Variants in GRIP1 observed in about 807,000 individuals in gnomAD.
GRIP1 encodes glutamate receptor interacting protein 1, also known as glutamate receptor-interacting protein 1.
A neutral mutation model predicts 129.9 loss-of-function variants in GRIP1; 45 were observed. That is an observed-to-expected ratio of 0.35 (90% confidence interval 0.27 to 0.44). GRIP1 has a LOEUF of 0.44. GRIP1 is among the 20% of genes least tolerant of loss of function. GRIP1 has a pLI of 1.00. For synonymous variants in GRIP1, 530 were observed against 520.8 expected (o/e 1.02, Z -0.24); for missense variants, 1,196 against 1,396.8 (o/e 0.86, Z 2.29).
intron 1 of GRIP1, among the ~76,000 whole-genome samples, chr12:66,999,806 G>C (rs1231242040): frequency 2.0e-5 from 3 of 152,114 alleles, no homozygotes; most frequent in Non-Finnish European, 4.4e-5. Flanking sequence ...TATACTTTTT[G>C]TTAATCCTTG....
chr12:66,637,772 C>G (rs2031542867), intron 1 of GRIP1, among the ~76,000 whole-genome samples: 1 of 152,022 alleles, frequency 6.6e-6, no homozygotes, highest in African/African-American at 2.4e-5. Context: ...GCATATCTGT[C>G]TATCATATGA....
At chr12:66,967,942 A>C (rs1291438359) in intron 1 of GRIP1, among the ~76,000 whole-genome samples, 1 of 152,166 alleles carries the variant, frequency 6.6e-6, no homozygotes, top group East Asian at 1.9e-4. Context: ...TATACATGTC[A>C]ATTAGATCAA....
chr12:66,497,683 T>C (rs1474557867), intron 7 of GRIP1, among the ~76,000 whole-genome samples: 1 of 152,002 alleles, frequency 6.6e-6, no homozygotes, highest in Non-Finnish European at 1.5e-5. Context: ...GGGAGAGAGA[T>C]GGCAGCATCT....
At chr12:66,788,694 CT>C (rs1436102254) in intron 1 of GRIP1, among the ~76,000 whole-genome samples, 1 of 152,094 alleles carries the variant, frequency 6.6e-6, no homozygotes, top group Non-Finnish European at 1.5e-5. Context: ...CCTCACAAAA[CT>C]GGTATCTCCA....
At chr12:66,730,402 C>T (rs954679268) in intron 1 of GRIP1, among the ~76,000 whole-genome samples, 1 of 152,048 alleles carries the variant, frequency 6.6e-6, no homozygotes, top group Non-Finnish European at 1.5e-5. Flanking sequence ...ATGTAGCTTA[C>T]TTAAAAATTC....
chr12:66,767,150 T>C (rs1040980384), intron 1 of GRIP1, among the ~76,000 whole-genome samples: 10 of 152,206 alleles, frequency 6.6e-5, no homozygotes, highest in African/African-American at 2.4e-4. Flanking sequence ...AGAAAGCCAT[T>C]GGATAGCTTT....
chr12:66,584,837 C>T (rs566015511), intron 2 of GRIP1, among the ~76,000 whole-genome samples: 1 of 152,010 alleles, frequency 6.6e-6, no homozygotes, highest in South Asian at 2.1e-4. Flanking sequence ...TCTCTCTGCG[C>T]CTTGAACATC....
chr12:66,533,840 T>TACACACAC (rs10545416), intron 4 of GRIP1, among the ~76,000 whole-genome samples: 2 of 144,776 alleles, frequency 1.4e-5, no homozygotes, highest in East Asian at 2.0e-4. Context: ...TCTATCAGAT[T>TACACACAC]ACACACACAC....
At chr12:66,626,127 C>T (rs1206025825) in intron 1 of GRIP1, among the ~76,000 whole-genome samples, 1 of 152,094 alleles carries the variant, frequency 6.6e-6, no homozygotes, top group Non-Finnish European at 1.5e-5. Context: ...GAGTTGGGGA[C>T]CAGTCTGGGC....
At chr12:66,914,048 A>G (rs569554886) in intron 1 of GRIP1, among the ~76,000 whole-genome samples, 2 of 152,314 alleles carry the variant, frequency 1.3e-5, no homozygotes, top group East Asian at 1.9e-4. Context: ...GAATTACGCT[A>G]TCCCTGTTTA....
intron 2 of GRIP1, among the ~76,000 whole-genome samples, chr12:66,562,991 C>T (rs1006611042): frequency 5.4e-5 from 8 of 149,504 alleles, no homozygotes; most frequent in African/African-American, 1.5e-4. Context: ...GTCTTCTTCA[C>T]GTTAGGTAGG....
At chr12:66,817,004 C>T (rs547119485) in intron 1 of GRIP1, among the ~76,000 whole-genome samples, 2 of 152,092 alleles carry the variant, frequency 1.3e-5, no homozygotes, top group South Asian at 4.2e-4. Context: ...AAGACGATTC[C>T]TCATGAACAT....
intron 2 of GRIP1, among the ~76,000 whole-genome samples, chr12:66,579,214 G>C (rs1220526801): frequency 6.6e-6 from 1 of 152,136 alleles, no homozygotes; most frequent in Admixed American, 6.5e-5. Context: ...CTGTTAGAAG[G>C]AAAACTAACA....
At chr12:66,371,403 C>T (rs1003827777) in intron 23 of GRIP1, among the ~76,000 whole-genome samples, 11 of 152,208 alleles carry the variant, frequency 7.2e-5, no homozygotes, top group Non-Finnish European at 1.2e-4. Context: ...AAGTGATCCA[C>T]CCGCCTCGGC....
chr12:66,745,282 A>G (rs2036909968), intron 1 of GRIP1, among the ~76,000 whole-genome samples: 1 of 152,234 alleles, frequency 6.6e-6, no homozygotes, highest in African/African-American at 2.4e-5. Flanking sequence ...CATATAGAGA[A>G]CAGAAAGACT....
At chr12:66,823,512 A>T (rs537195120) in intron 1 of GRIP1, among the ~76,000 whole-genome samples, 1 of 152,282 alleles carries the variant, frequency 6.6e-6, no homozygotes, top group East Asian at 1.9e-4. Context: ...AAAACAATTA[A>T]GATTCATCTT....
At chr12:66,638,260 A>T (rs2136070176) in intron 1 of GRIP1, among the ~76,000 whole-genome samples, 1 of 152,302 alleles carries the variant, frequency 6.6e-6, no homozygotes, top group Non-Finnish European at 1.5e-5. Flanking sequence ...TATTCCACAA[A>T]TTATTTTGAG....
intron 1 of GRIP1, among the ~76,000 whole-genome samples, chr12:66,843,534 G>T (rs1048005939): frequency 6.6e-6 from 1 of 152,042 alleles, no homozygotes; most frequent in Non-Finnish European, 1.5e-5. Context: ...CAAATCTGAA[G>T]ATCTCACACT....
intron 1 of GRIP1, among the ~76,000 whole-genome samples, chr12:66,669,176 G>C (rs1259316195): frequency 6.6e-6 from 1 of 152,136 alleles, no homozygotes; most frequent in Admixed American, 6.5e-5. Context: ...ACTTTGGGAG[G>C]CCAAGGTGGG....
Sources: gnomAD v4.1 joint callset for allele counts (sites outside exome capture counted in the v4.1 genomes callset) on GRCh38, gnomAD v4.1.1 for gene constraint, MANE v1.5 for transcripts, NCBI Gene and HGNC (gene_info 2026-07-23, HGNC 2026-07-21) for gene names.